NAV2: variants seen among roughly 807,000 people sequenced by gnomAD.
NAV2 encodes neuron navigator 2.
NAV2 carries 54 observed loss-of-function variants against 223.2 expected under a neutral mutation model. The ratio of observed to expected loss-of-function variants is 0.24; its 90% CI spans 0.19 to 0.30. The LOEUF (loss-of-function observed/expected upper bound fraction) is 0.30, where lower values mean the gene tolerates loss of function less well. NAV2 is among the 10% of genes least tolerant of loss of function. The pLI is 1.00. For missense variants in NAV2, 2,806 were observed against 3,147.5 expected, an observed-to-expected ratio of 0.89 and a Z score of 2.60; for synonymous variants, 1,279 against 1,239.3, an observed-to-expected ratio of 1.03 and a Z score of -0.67.
intron 2 of NAV2, among the ~76,000 whole-genome samples, 189 bp from the exon 3 acceptor site, chr11:19,842,682 C>G (rs1417517670): frequency 6.6e-6 from 1 of 152,178 alleles, no homozygotes; most frequent in Non-Finnish European, 1.5e-5. Context: ...CCAGCTGTCC[C>G]TGGAGGACGG....
At chr11:19,807,077 A>G (rs1290447224) in intron 1 of NAV2, among the ~76,000 whole-genome samples, 1 of 152,184 alleles carries the variant, frequency 6.6e-6, no homozygotes. Context: ...TGTAACCAGC[A>G]TGTGGGGCAA....
intron 11 of NAV2, 59 bp downstream of exon 11, chr11:19,984,306 G>T: frequency 6.2e-7 from 1 of 1,611,018 alleles, no homozygotes; most frequent in South Asian, 1.1e-5. Context: ...GGGGCCCTGA[G>T]AAATGAGGGT....
intron 1 of NAV2, among the ~76,000 whole-genome samples, chr11:19,530,691 G>T (rs991979026): frequency 2.0e-5 from 3 of 152,302 alleles, no homozygotes; most frequent in Admixed American, 6.5e-5. Flanking sequence ...AAATGTAGAG[G>T]TTGGAACAAC....
chr11:19,750,691 A>G (rs1043959036), intron 1 of NAV2, among the ~76,000 whole-genome samples: 11 of 152,202 alleles, frequency 7.2e-5, no homozygotes, highest in African/African-American at 2.7e-4. Flanking sequence ...ACTGAAGACC[A>G]GAGAGGGAAA....
chr11:19,489,366 A>G (rs1398421689), intron 1 of NAV2, among the ~76,000 whole-genome samples: 2 of 152,218 alleles, frequency 1.3e-5, no homozygotes, highest in Non-Finnish European at 2.9e-5. Context: ...GTCACTTCTA[A>G]TGATACATTT....
chr11:19,908,941 G>A (rs1215913637), intron 6 of NAV2, among the ~76,000 whole-genome samples: 4 of 152,152 alleles, frequency 2.6e-5, no homozygotes, highest in African/African-American at 9.7e-5. Context: ...AGATTGTGGT[G>A]ATGGTTGGAG....
chr11:19,774,967 A>G (rs1030828315), intron 1 of NAV2, among the ~76,000 whole-genome samples: 2 of 152,272 alleles, frequency 1.3e-5, no homozygotes, highest in Middle Eastern at 3.4e-3. Context: ...AGAAAGTATA[A>G]TGAACCTAAT....
rs201444103 is a variant in NAV2, at chr11:19,785,118, C to T, written c.268-47366C>T. ...TACCGATCGGGTAGGTGACTTCATG[C>T]TGGGGCAGCCACAGGAAGAGTTTGG... On this transcript the variant is annotated intron_variant, in intron 1 of 37. Coordinates refer to ENST00000349880, the MANE Select transcript of NAV2 (RefSeq NM_145117.5). Among the ~76,000 whole-genome samples, 8 of 152,274 alleles carry T rather than the reference C, an allele frequency of 5.3e-5. No homozygotes were observed. The East Asian group carries it at 1.4e-3, about 26-fold the overall frequency.
At chr11:19,568,789 G>A (rs2045344367) in intron 1 of NAV2, among the ~76,000 whole-genome samples, 2 of 152,132 alleles carry the variant, frequency 1.3e-5, no homozygotes, top group Non-Finnish European at 1.5e-5. Context: ...CCCCATTCAC[G>A]TTGGCCACAC....
intron 1 of NAV2, among the ~76,000 whole-genome samples, chr11:19,497,003 G>A (rs555066052): frequency 6.6e-6 from 1 of 152,234 alleles, no homozygotes; most frequent in Admixed American, 6.5e-5. Flanking sequence ...CTATGCCTTG[G>A]ATCCCTCATC....
At chr11:19,872,580 C>A (rs755645324) in intron 4 of NAV2, among the ~76,000 whole-genome samples, 1 of 152,238 alleles carries the variant, frequency 6.6e-6, no homozygotes, top group Non-Finnish European at 1.5e-5. Context: ...CCTGAGGCTC[C>A]TTCTCTGATG....
intron 1 of NAV2, among the ~76,000 whole-genome samples, chr11:19,594,731 G>A (rs528957379): frequency 1.1e-4 from 16 of 152,312 alleles, no homozygotes; most frequent in Non-Finnish European, 1.9e-4. Flanking sequence ...TGGGTTCAGA[G>A]TGGAACTCTT....
intron 1 of NAV2, among the ~76,000 whole-genome samples, chr11:19,414,657 A>G (rs559491225): frequency 6.6e-6 from 1 of 152,346 alleles, no homozygotes; most frequent in East Asian, 1.9e-4. Context: ...TCTCAGCACC[A>G]CATCTCACTT....
At chr11:19,570,963 G>C (rs2045408751) in intron 1 of NAV2, among the ~76,000 whole-genome samples, 1 of 152,146 alleles carries the variant, frequency 6.6e-6, no homozygotes, top group African/African-American at 2.4e-5. Context: ...TTGAGAACAA[G>C]TGTTTAAAAA....
chr11:19,688,858 G>A lies in NAV2; in HGVS notation c.76-143626G>A, dbSNP rs61876726. ...TTAGCCTGGGATAGTCTCGGGTTGT[G>A]CCTTTTATCCAGGCACAATTATTAA... On this transcript the variant is annotated intron_variant, in intron 1 of 37. Transcript: ENST00000360655. Among the ~76,000 whole-genome samples the A allele has an allele frequency of 2.6e-3, 394 of 152,272 alleles. 1 individual carries two copies. Among genetic ancestry groups the A allele is most frequent in the Middle Eastern group, 6.8e-3 (2 of 294 alleles).
rs1421973547 is a variant in NAV2 at position 19,655,782 on chromosome 11, A to G, written c.76-176702A>G. ...GGGGAGGGATAGCATTAGGAGATAT[A>G]CCTAATGTTAAATGATGAGTTAATG... is the stretch of plus-strand genomic sequence containing the variant. On this transcript the variant is annotated intron_variant, in intron 1 of 37. Transcript: ENST00000360655. 2.6e-5 allele frequency among the ~76,000 whole-genome samples: 4 copies of G among 151,250 alleles called. No individual in the cohort carries two copies. In the South Asian group the frequency reaches 6.4e-4, roughly 24 times the overall value.
intron 1 of NAV2, among the ~76,000 whole-genome samples, chr11:19,530,565 G>A (rs1448149538): frequency 1.3e-5 from 2 of 152,176 alleles, no homozygotes; most frequent in Admixed American, 1.3e-4. Context: ...GTATCACGTG[G>A]ACTTGAATCC....
intron 1 of NAV2, among the ~76,000 whole-genome samples, chr11:19,519,295 C>A (rs904787561): frequency 6.6e-6 from 1 of 152,172 alleles, no homozygotes; most frequent in Non-Finnish European, 1.5e-5. Flanking sequence ...ATGAACAAGG[C>A]AGGTGCACAG....
At chr11:19,493,173 C>A (rs1253593710) in intron 1 of NAV2, among the ~76,000 whole-genome samples, 1 of 152,052 alleles carries the variant, frequency 6.6e-6, no homozygotes, top group African/African-American at 2.4e-5. Context: ...TGCCCCCTCC[C>A]CTCTCTCCTC....
Sources: allele counts gnomAD v4.1 joint callset (sites outside exome capture counted in the v4.1 genomes callset), GRCh38; gene constraint gnomAD v4.1.1; transcripts MANE v1.5; gene names NCBI Gene and HGNC (gene_info 2026-07-23, HGNC 2026-07-21).